Variants in LOXL4 observed in about 807,000 individuals in gnomAD.
LOXL4 encodes the protein lysyl oxidase like 4, also known as lysyl oxidase homolog 4.
In LOXL4, 72 loss-of-function variants were observed where a neutral mutation model predicts 89.1. The observed-to-expected ratio is 0.81, with a 90% CI of 0.67 to 0.98. The LOEUF is 0.98. Ranked by LOEUF, LOXL4 falls within the 50% of genes least tolerant of loss-of-function variation. LOXL4 has a pLI of 0.00. For missense variants in LOXL4, 984 were observed against 1,017.5 expected (o/e 0.97, Z 0.45); for synonymous variants, 355 against 392.1 (o/e 0.91, Z 1.12).
intron 4 of LOXL4, 31 bp downstream of exon 4, chr10:98,260,891 C>A: frequency 6.3e-7 from 1 of 1,575,078 alleles, no homozygotes; most frequent in Non-Finnish European, 8.6e-7. Flanking sequence ...AACCCTGCCT[C>A]CTGTGGGGCC....
intron 1 of LOXL4, 56 bp from the exon 2 acceptor site, chr10:98,263,107 C>G: frequency 6.8e-7 from 1 of 1,473,112 alleles, no homozygotes; most frequent in Non-Finnish European, 9.2e-7. Flanking sequence ...TCTCAGACCT[C>G]TGCAGCAATT....
intron 9 of LOXL4, chr10:98,256,031 G>A (rs542527805): frequency 4.8e-5 from 15 of 313,752 alleles, no homozygotes; most frequent in South Asian, 4.5e-4. Context: ...CCTGTTCCCC[G>A]CCCCTCTCCC....
At position 98,264,038 on chromosome 10, in the gene LOXL4, T is replaced by A. The variant is rs113249751; in HGVS notation, c.-32-987A>T. Among the ~76,000 whole-genome samples the A allele has an allele frequency of 2.0e-3, 300 of 152,118 alleles. 1 individual carries two copies. The highest frequency in any genetic ancestry group is 7.0e-3 in the African/African-American group (292 of 41,498). On this transcript the variant is annotated intron_variant, in intron 1 of 14. Coordinates refer to ENST00000260702, the MANE Select transcript of LOXL4 (RefSeq NM_032211.7). ...GAGCCACTGTGCCCGGCCCTGACTCTTTATTTCTAAAGTGAGGAGATGGAA... is the reference window on the plus strand; with the variant it reads ...GAGCCACTGTGCCCGGCCCTGACTCATTATTTCTAAAGTGAGGAGATGGAA...
intron 10 of LOXL4, 61 bp downstream of exon 10, chr10:98,255,516 C>T (rs1285166016): frequency 1.6e-5 from 25 of 1,525,962 alleles, no homozygotes; most frequent in Non-Finnish European, 2.2e-5. Flanking sequence ...CATGCAGGGC[C>T]CTCCCTGAAG....
chr10:98,262,667 TG>T, intron 2 of LOXL4, 75 bp downstream of exon 2: 1 of 1,532,268 alleles, frequency 6.5e-7, no homozygotes, highest in Non-Finnish European at 8.9e-7. Flanking sequence ...AAAGGATGGG[TG>T]GGTGTCAGTG....
intron 6 of LOXL4, among the ~76,000 whole-genome samples, chr10:98,258,524 C>A (rs911303038): frequency 1.3e-5 from 2 of 151,816 alleles, no homozygotes; most frequent in African/African-American, 4.8e-5. Flanking sequence ...TACCACCTCA[C>A]GAGGCCATCT....
chr10:98,261,670 C>G lies in LOXL4; in HGVS notation c.456+365G>C, dbSNP rs146872816. ...TGCCTGGCAGCAGAGCCCTGCCCTG[C>G]CCGCTCCTGTTGTTTGGCTTGGGCT... On this transcript the variant is annotated intron_variant, in intron 3 of 14. Coordinates refer to ENST00000260702, the MANE Select transcript of LOXL4 (RefSeq NM_032211.7). 2.0e-5 allele frequency among the ~76,000 whole-genome samples: 3 copies of G among 152,382 alleles called. No homozygotes were observed. In the East Asian group the frequency reaches 5.8e-4, roughly 29 times the overall value.
At chr10:98,264,064 C>A (rs1379137853) in intron 1 of LOXL4, among the ~76,000 whole-genome samples, 1 of 151,860 alleles carries the variant, frequency 6.6e-6, no homozygotes, top group Admixed American at 6.6e-5. Context: ...GGAGATGGAA[C>A]CACATATCAT....
chr10:98,261,125 G>A lies in LOXL4; in HGVS notation c.459C>T (p.Gly153=), dbSNP rs370539097. ...ETVSNALGPQ[G]RRLEEVRLKP... is the part of the protein sequence containing the mutation. Reference sequence around the variant, plus strand: ...TGAGCCGCACCTCCTCCAGCCGCCGGCCCTGCGGGGTGCACAGTCACCTGT... The same window carrying A: ...TGAGCCGCACCTCCTCCAGCCGCCGACCCTGCGGGGTGCACAGTCACCTGT... The change falls in exon 4 of 15, where the codon GGC becomes GGT. Residue 153 remains glycine (G), a splice_region_variant and synonymous_variant. Transcript: ENST00000260702. The A allele has an allele frequency of 1.2e-5, 20 of 1,610,578 alleles. No individual in the cohort carries two copies. The African/African-American group carries it at 2.5e-4, about 20-fold the overall frequency.
intron 9 of LOXL4, 127 bp from the exon 10 acceptor site, chr10:98,255,866 A>T: frequency 8.8e-7 from 1 of 1,141,788 alleles, no homozygotes; most frequent in Non-Finnish European, 1.2e-6. Flanking sequence ...GAAAATCTTC[A>T]GTGATGAGAA....
At chr10:98,251,880 G>C in intron 12 of LOXL4, 178 bp from the exon 13 acceptor site, 3 of 702,134 alleles carry the variant, frequency 4.3e-6, no homozygotes, top group Non-Finnish European at 4.6e-6. Flanking sequence ...GATAGGATTT[G>C]TTTGACTGCT....
intron 1 of LOXL4, among the ~76,000 whole-genome samples, chr10:98,263,252 G>A (rs968545352): frequency 1.1e-4 from 17 of 151,950 alleles, no homozygotes; most frequent in South Asian, 6.3e-4. Context: ...CACCACATTC[G>A]CCATGACCTT....
At position 98,262,149 on chromosome 10, in the gene LOXL4, A is replaced by C; in HGVS notation, c.342T>G (p.Ser114=). 1 of 1,613,680 alleles carries C rather than the reference A, an allele frequency of 6.2e-7. No individual in the cohort carries two copies. The highest frequency in any genetic ancestry group is 1.1e-5 in the South Asian group (1 of 91,058). The change falls in exon 3 of 15, where the codon TCT becomes TCG. Residue 114 remains serine, a synonymous_variant. Transcript: ENST00000260702. ...TGCAGTCACTGACTCCCCAGCCATT[A>C]GACCCGCACTGGTCCAAGGAGCTCT... The part of the protein sequence containing the change: ...GTESSLDQCG[S]NGWGVSDCSH...
chr10:98,251,538 T>A, intron 13 of LOXL4, 28 bp downstream of exon 13: 6 of 1,612,348 alleles, frequency 3.7e-6, no homozygotes, highest in Non-Finnish European at 5.1e-6. Flanking sequence ...GAAATCAGGC[T>A]CTGTGGGGAA....
intron 1 of LOXL4, among the ~76,000 whole-genome samples, chr10:98,263,396 T>C (rs1858601074): frequency 6.6e-6 from 1 of 152,198 alleles, no homozygotes; most frequent in African/African-American, 2.4e-5. Flanking sequence ...AGTCCTAGCA[T>C]TGGTGAGTAC....
intron 8 of LOXL4, 31 bp from the exon 9 acceptor site, chr10:98,256,978 G>C: frequency 6.2e-7 from 1 of 1,606,390 alleles, no homozygotes; most frequent in Non-Finnish European, 8.5e-7. Flanking sequence ...TGAGGAGTGG[G>C]GTAGCCTTGC....
chr10:98,262,489 C>G (rs138424922), intron 2 of LOXL4, among the ~76,000 whole-genome samples: 135 of 152,332 alleles, frequency 8.9e-4, no homozygotes, highest in African/African-American at 3.2e-3. Context: ...TCAACATTCT[C>G]TAAGCACCCA....
chr10:98,253,520 C>T (rs776052398), intron 11 of LOXL4, 33 bp downstream of exon 11: 7 of 1,613,520 alleles, frequency 4.3e-6, no homozygotes, highest in East Asian at 2.2e-5. Context: ...TTGTTCCTAA[C>T]CCTCTAGTGC....
In LOXL4 at chr10:98,263,036, G is replaced by A. The variant is rs1449318444; in HGVS notation, c.-17C>T. The A allele has an allele frequency of 1.9e-6, 3 of 1,609,540 alleles. No homozygotes were observed. In the African/African-American group the frequency reaches 4.0e-5, roughly 21 times the overall value. On this transcript the variant is annotated 5_prime_UTR_variant, in exon 2 of 15. Coordinates refer to ENST00000260702, the MANE Select transcript of LOXL4 (RefSeq NM_032211.7). ...CCACGCCATGGTGACTTCAAGGACA[G>A]CTGAGGCCAAGATACCTGAGGAATG...
Sources: gnomAD v4.1 joint callset for allele counts (sites outside exome capture counted in the v4.1 genomes callset) on GRCh38, gnomAD v4.1.1 for gene constraint, MANE v1.5 for transcripts, NCBI Gene and HGNC (gene_info 2026-07-23, HGNC 2026-07-21) for gene names.